The following ATP13A4 variants were observed in gnomAD, a reference collection of about 807,000 sequenced individuals.
ATP13A4 encodes the protein ATPase 13A4, also known as probable cation-transporting ATPase 13A4.
Under a neutral mutation model 142.5 loss-of-function variants are expected in ATP13A4, and 114 were observed. The observed-to-expected ratio is 0.80, with a 90% confidence interval of 0.69 to 0.93. The LOEUF (loss-of-function observed/expected upper bound fraction) is 0.93. Ranked by LOEUF, ATP13A4 falls within the 40% of genes least tolerant of loss-of-function variation. The probability of loss-of-function intolerance (pLI) is 0.00; values close to 1 mark genes in which losing one functional copy is unlikely to be tolerated. For missense variants in ATP13A4, 1,392 were observed against 1,454.0 expected (o/e 0.96, Z 0.69); for synonymous variants, 488 against 514.8 (o/e 0.95, Z 0.70).
chr3:193,410,216 T>C (rs777824987), intron 28 of ATP13A4, among the ~76,000 whole-genome samples: 1 of 151,984 alleles, frequency 6.6e-6, no homozygotes, highest in African/African-American at 2.4e-5. Context: ...TCTTGGAAAG[T>C]GAGTTTTACA....
chr3:193,551,213 A>G (rs1723541868), intron 1 of ATP13A4, among the ~76,000 whole-genome samples: 1 of 152,186 alleles, frequency 6.6e-6, no homozygotes, highest in Non-Finnish European at 1.5e-5. Context: ...AGAGATTAAG[A>G]CCATCCTGGC....
intron 2 of ATP13A4, among the ~76,000 whole-genome samples, chr3:193,569,480 T>A (rs1461379393): frequency 6.6e-6 from 1 of 152,128 alleles, no homozygotes; most frequent in African/African-American, 2.4e-5. Flanking sequence ...CTCTAGTTAA[T>A]AGCAACATAG....
chr3:193,546,742 C>G (rs1421990543), intron 1 of ATP13A4, among the ~76,000 whole-genome samples: 1 of 152,168 alleles, frequency 6.6e-6, no homozygotes, highest in African/African-American at 2.4e-5. Flanking sequence ...GGCAACAAAC[C>G]ATTATTTAAG....
chr3:193,498,851 C>A (rs1415866788), intron 3 of ATP13A4, among the ~76,000 whole-genome samples: 6 of 152,068 alleles, frequency 3.9e-5, no homozygotes, highest in African/African-American at 1.2e-4. Flanking sequence ...ATTCTATGTG[C>A]AAGAATATTA....
intron 23 of ATP13A4, among the ~76,000 whole-genome samples, chr3:193,437,909 G>A (rs200801225): frequency 7.8e-5 from 11 of 140,718 alleles, no homozygotes; most frequent in Admixed American, 4.0e-4. Flanking sequence ...TTGGCTCACT[G>A]CAATCTCCAC....
chr3:193,404,662 C>T (rs1054704257), intron 29 of ATP13A4, among the ~76,000 whole-genome samples: 9 of 152,136 alleles, frequency 5.9e-5, no homozygotes, highest in African/African-American at 2.2e-4. Context: ...CTGCCTGCTT[C>T]CCCTTTGCTT....
intron 2 of ATP13A4, among the ~76,000 whole-genome samples, chr3:193,571,179 GAGGCA>G (rs1192866604): frequency 6.6e-6 from 1 of 150,844 alleles, no homozygotes; most frequent in Non-Finnish European, 1.5e-5. Flanking sequence ...TCAAGAGGCT[GAGGCA>G]GGAGAATTGT....
chr3:193,412,538 C>T (rs1050542250), intron 26 of ATP13A4, among the ~76,000 whole-genome samples, 167 bp from the exon 27 acceptor site: 1 of 151,530 alleles, frequency 6.6e-6, no homozygotes, highest in African/African-American at 2.4e-5. Flanking sequence ...CACACACACA[C>T]ACACACACAC....
intron 2 of ATP13A4, among the ~76,000 whole-genome samples, chr3:193,576,579 A>G (rs1016239714): frequency 6.6e-6 from 1 of 152,120 alleles, no homozygotes; most frequent in African/African-American, 2.4e-5. Flanking sequence ...CCTTGAATCA[A>G]TCTTATGTAA....
At chr3:193,573,320 T>TACAC in intron 2 of ATP13A4, among the ~76,000 whole-genome samples, 1 of 142,222 alleles carries the variant, frequency 7.0e-6, no homozygotes, top group Non-Finnish European at 1.5e-5. Context: ...TATATATATA[T>TACAC]ATATATAATT....
At chr3:193,585,344 CAGGGGGCAG>C (rs1400901832) in intron 1 of ATP13A4, among the ~76,000 whole-genome samples, 1 of 152,098 alleles carries the variant, frequency 6.6e-6, no homozygotes, top group Non-Finnish European at 1.5e-5. Context: ...CACTTGAACC[CAGGGGGCAG>C]AGGCTGCAGT....
At chr3:193,445,379 C>A (rs933363417) in intron 18 of ATP13A4, among the ~76,000 whole-genome samples, 1 of 150,908 alleles carries the variant, frequency 6.6e-6, no homozygotes, top group African/African-American at 2.4e-5. Flanking sequence ...GAGGTTGCAG[C>A]GAGCCGAGAT....
intron 13 of ATP13A4, among the ~76,000 whole-genome samples, chr3:193,461,379 A>G (rs1279896808): frequency 1.3e-5 from 2 of 152,238 alleles, no homozygotes; most frequent in Non-Finnish European, 2.9e-5. Context: ...AGATGCTCAC[A>G]TATTTGAACA....
chr3:193,429,692 A>G (rs1333610411), intron 25 of ATP13A4, among the ~76,000 whole-genome samples: 1 of 152,040 alleles, frequency 6.6e-6, no homozygotes, highest in Non-Finnish European at 1.5e-5. Context: ...TTTTGAAAAT[A>G]TATAGTGGTG....
chr3:193,517,566 C>T (rs1045396805), intron 1 of ATP13A4, among the ~76,000 whole-genome samples: 5 of 152,244 alleles, frequency 3.3e-5, no homozygotes, highest in African/African-American at 9.6e-5. Flanking sequence ...CTGCAAGCTC[C>T]GCCTCCCGGG....
At chr3:193,496,745 C>T (rs748648116) in intron 3 of ATP13A4, among the ~76,000 whole-genome samples, 95 of 152,050 alleles carry the variant, frequency 6.2e-4, no homozygotes, top group Non-Finnish European at 1.0e-3. Context: ...AAGCCGAGAT[C>T]GTGCCACTGC....
At chr3:193,532,010 A>C (rs1194232554) in intron 1 of ATP13A4, among the ~76,000 whole-genome samples, 1 of 152,104 alleles carries the variant, frequency 6.6e-6, no homozygotes, top group East Asian at 1.9e-4. Flanking sequence ...ATTTATACTG[A>C]TGTGCCTAAA....
At chr3:193,524,761 T>C (rs945868896) in intron 1 of ATP13A4, among the ~76,000 whole-genome samples, 1 of 152,184 alleles carries the variant, frequency 6.6e-6, no homozygotes, top group African/African-American at 2.4e-5. Flanking sequence ...AATGGGATAA[T>C]AGTTGTAAAA....
At chr3:193,524,153 T>C (rs1721875665) in intron 1 of ATP13A4, among the ~76,000 whole-genome samples, 1 of 152,198 alleles carries the variant, frequency 6.6e-6, no homozygotes, top group Non-Finnish European at 1.5e-5. Flanking sequence ...CAATATGAAA[T>C]GGACTAAGAC....
Sources: gnomAD v4.1 joint callset for allele counts (sites outside exome capture counted in the v4.1 genomes callset) on GRCh38, gnomAD v4.1.1 for gene constraint, MANE v1.5 for transcripts, NCBI Gene and HGNC (gene_info 2026-07-23, HGNC 2026-07-21) for gene names.